Variants in ATRNL1 observed in about 807,000 individuals in gnomAD.
The protein encoded by ATRNL1 is attractin-like protein 1.
Under a neutral mutation model 182.7 loss-of-function variants are expected in ATRNL1, and 95 were observed. The observed-to-expected ratio is 0.52, with a 90% CI of 0.44 to 0.62. ATRNL1 has a LOEUF of 0.62. Among genes scored for constraint, ATRNL1 ranks in the 20% least tolerant of loss-of-function variants. ATRNL1 has a pLI of 0.00. For synonymous variants in ATRNL1, 576 were observed against 568.3 expected, an observed-to-expected ratio of 1.01 and a Z score of -0.19; for missense variants, 1,471 against 1,679.5, an observed-to-expected ratio of 0.88 and a Z score of 2.17.
chr10:115,144,294 C>G (rs1274674970), intron 5 of ATRNL1, among the ~76,000 whole-genome samples: 1 of 152,044 alleles, frequency 6.6e-6, no homozygotes, highest in Admixed American at 6.6e-5. Flanking sequence ...ACTGCAGGCG[C>G]CTGCCACCAT....
intron 8 of ATRNL1, among the ~76,000 whole-genome samples, chr10:115,212,134 T>G (rs782175048): frequency 1.3e-4 from 19 of 151,928 alleles, no homozygotes; most frequent in Non-Finnish European, 1.9e-4. Flanking sequence ...GTCACACAGG[T>G]GTACTGAGCT....
chr10:115,407,102 A>T (rs1028447830), intron 20 of ATRNL1, among the ~76,000 whole-genome samples: 1 of 151,862 alleles, frequency 6.6e-6, no homozygotes, highest in East Asian at 1.9e-4. Flanking sequence ...ATTTATTTAA[A>T]TTGGATTTTA....
chr10:115,651,976 T>G (rs1860040354), intron 26 of ATRNL1, among the ~76,000 whole-genome samples: 1 of 152,262 alleles, frequency 6.6e-6, no homozygotes, highest in South Asian at 2.1e-4. Flanking sequence ...ACAACTGTAG[T>G]AACCCTGTTT....
At chr10:115,649,163 A>G (rs921518257) in intron 26 of ATRNL1, among the ~76,000 whole-genome samples, 1 of 152,148 alleles carries the variant, frequency 6.6e-6, no homozygotes, top group Admixed American at 6.6e-5. Context: ...CGCTTTAATT[A>G]TTGTGCTTAA....
intron 26 of ATRNL1, among the ~76,000 whole-genome samples, chr10:115,664,795 G>T (rs1273310229): frequency 6.6e-6 from 1 of 151,606 alleles, no homozygotes; most frequent in African/African-American, 2.4e-5. Context: ...TCATTTTTAG[G>T]TATTTCTTTT....
chr10:115,891,723 CAAG>C (rs1257539523), intron 28 of ATRNL1, among the ~76,000 whole-genome samples: 1 of 151,982 alleles, frequency 6.6e-6, no homozygotes, highest in Non-Finnish European at 1.5e-5. Context: ...TCAAATATCA[CAAG>C]AAAGGGTAGC....
chr10:115,468,856 G>T lies in ATRNL1; in HGVS notation c.3497-316G>T, dbSNP rs568549534. On this transcript the variant is annotated intron_variant, in intron 23 of 28. Transcript: ENST00000355044. Reference sequence around the variant, plus strand: ...TTGGGGCAAATGCTTTAATCTTTCTGAGGCTTAGGTTGAAATCTGAAAAAT... The same window carrying T: ...TTGGGGCAAATGCTTTAATCTTTCTTAGGCTTAGGTTGAAATCTGAAAAAT... Among the ~76,000 whole-genome samples the T allele has an allele frequency of 1.0e-4, 15 of 150,718 alleles. No individual in the cohort carries two copies. In the South Asian group the frequency reaches 3.1e-3, roughly 31 times the overall value.
chr10:115,343,761 C>T (rs2134101402), intron 19 of ATRNL1, among the ~76,000 whole-genome samples: 1 of 152,186 alleles, frequency 6.6e-6, no homozygotes, highest in African/African-American at 2.4e-5. Flanking sequence ...CTTGTTGGTA[C>T]CTGTCCTCCT....
At chr10:115,206,808 G>A (rs1848816655) in intron 8 of ATRNL1, among the ~76,000 whole-genome samples, 1 of 152,050 alleles carries the variant, frequency 6.6e-6, no homozygotes, top group African/African-American at 2.4e-5. Context: ...TTTACATTAG[G>A]TATTTCTCCT....
chr10:115,654,465 C>T (rs1281657104), intron 26 of ATRNL1, among the ~76,000 whole-genome samples: 9 of 151,988 alleles, frequency 5.9e-5, no homozygotes, highest in South Asian at 4.2e-4. Flanking sequence ...GTGATCCGCC[C>T]GCCTCAGCCT....
chr10:115,682,632 G>A (rs1946084483), intron 26 of ATRNL1, among the ~76,000 whole-genome samples: 1 of 151,958 alleles, frequency 6.6e-6, no homozygotes, highest in East Asian at 1.9e-4. Context: ...GTATAGAAAT[G>A]TGCCCATTTT....
intron 21 of ATRNL1, among the ~76,000 whole-genome samples, chr10:115,426,699 T>C (rs1554962982): frequency 6.6e-6 from 1 of 152,160 alleles, no homozygotes; most frequent in African/African-American, 2.4e-5. Context: ...CATTGGGTAC[T>C]GATTATATGG....
chr10:115,427,629 C>CT (rs1176263870), intron 21 of ATRNL1, among the ~76,000 whole-genome samples: 1 of 151,984 alleles, frequency 6.6e-6, no homozygotes, highest in African/African-American at 2.4e-5. Context: ...GATTGAAGTT[C>CT]TTTTTTTCTC....
chr10:115,307,874 G>A (rs1231212276), intron 17 of ATRNL1, among the ~76,000 whole-genome samples: 1 of 152,132 alleles, frequency 6.6e-6, no homozygotes, highest in Non-Finnish European at 1.5e-5. Context: ...AATGGTTTTA[G>A]TGTGCTTTTG....
intron 9 of ATRNL1, among the ~76,000 whole-genome samples, chr10:115,241,251 T>C (rs1266912659): frequency 6.6e-6 from 1 of 151,854 alleles, no homozygotes; most frequent in Non-Finnish European, 1.5e-5. Flanking sequence ...AAATGATGTT[T>C]TGGGCCTCTA....
At chr10:115,824,577 G>GA (rs527577101) in intron 27 of ATRNL1, among the ~76,000 whole-genome samples, 22 of 150,150 alleles carry the variant, frequency 1.5e-4, no homozygotes, top group South Asian at 6.3e-4. Flanking sequence ...AAACTTACAA[G>GA]AAAAAAAAAC....
intron 10 of ATRNL1, among the ~76,000 whole-genome samples, chr10:115,262,997 C>G (rs934774443): frequency 6.6e-6 from 1 of 151,678 alleles, no homozygotes; most frequent in Non-Finnish European, 1.5e-5. Context: ...TCTTGGAAAT[C>G]TAGAGAAACA....
chr10:115,854,627 G>A (rs955427727), intron 28 of ATRNL1, among the ~76,000 whole-genome samples: 2 of 152,152 alleles, frequency 1.3e-5, no homozygotes, highest in African/African-American at 4.8e-5. Flanking sequence ...TGTAAAGTGA[G>A]CCGTCCTTCC....
At chr10:115,471,973 T>C (rs1295207077) in intron 24 of ATRNL1, among the ~76,000 whole-genome samples, 4 of 151,072 alleles carry the variant, frequency 2.6e-5, no homozygotes, top group Non-Finnish European at 5.9e-5. Context: ...AGGATTTTTA[T>C]AATTACAGGT....
Sources: allele counts gnomAD v4.1 joint callset (sites outside exome capture counted in the v4.1 genomes callset), GRCh38; gene constraint gnomAD v4.1.1; transcripts MANE v1.5; gene names NCBI Gene and HGNC (gene_info 2026-07-23, HGNC 2026-07-21).